NCAPD3: variants seen among roughly 807,000 people sequenced by gnomAD.
NCAPD3 encodes the protein condensin-2 complex subunit D3.
A neutral mutation model predicts 182.9 loss-of-function variants in NCAPD3; 105 were observed. The ratio of observed to expected loss-of-function variants is 0.57; its 90% CI spans 0.49 to 0.68. The LOEUF (loss-of-function observed/expected upper bound fraction) is 0.68, where lower values mean the gene tolerates loss of function less well. Among genes scored for constraint, NCAPD3 ranks in the 30% least tolerant of loss-of-function variants. The pLI, the probability that NCAPD3 is intolerant of heterozygous loss-of-function variation, is 0.00. For missense variants in NCAPD3, 1,944 were observed against 1,837.0 expected (o/e 1.06, Z -1.07); for synonymous variants, 815 against 679.9 (o/e 1.20, Z -3.09).
chr11:134,167,938 T>A, intron 27 of NCAPD3, 58 bp downstream of exon 27: 1 of 1,526,420 alleles, frequency 6.6e-7, no homozygotes, highest in Non-Finnish European at 9.0e-7. Context: ...TGAGATGAGC[T>A]TAGGGGAGCA....
chr11:134,203,191 C>T lies in NCAPD3; in HGVS notation c.1476G>A (p.Thr492=), dbSNP rs146072600. Residue 492 remains threonine (T), a synonymous_variant, in exon 12 of 35, where the codon ACG becomes ACA. Transcript: ENST00000534548. The stretch of plus-strand genomic sequence containing the variant: ...CAGGGTGACTCTCTATTACAGAAAA[C>T]GTAGGACCTAAAAACAAGAAGAAAG... ...SILELLINSP[T]FSVIESHPGT... is the part of the protein sequence containing the mutation. 34 of 1,595,684 alleles carry T rather than the reference C, an allele frequency of 2.1e-5. No homozygotes were observed. The highest frequency in any genetic ancestry group is 2.0e-4 in the African/African-American group (15 of 74,390).
rs1943303058 is a variant in NCAPD3, at chr11:134,153,029, T to C, written c.4412A>G (p.Asn1471Ser). The change falls in exon 35 of 35, where the codon AAT becomes AGT. Residue 1471 changes from asparagine to serine, a missense_variant. Transcript: ENST00000534548. ...DKPPPQPQQW[N>S]VRSPARNKDT... Reference sequence around the variant, plus strand: ...TTTATTCCTGGCGGGAGACCGCACATTCCACTGCTGAGGCTGTGGGGGCCT... The same window carrying C: ...TTTATTCCTGGCGGGAGACCGCACACTCCACTGCTGAGGCTGTGGGGGCCT... 6.3e-7 allele frequency: 1 copy of C among 1,599,518 alleles called. No individual in the cohort carries two copies. Among genetic ancestry groups the C allele is most frequent in the Non-Finnish European group, 8.5e-7 (1 of 1,170,828 alleles).
At chr11:134,199,294 A>G (rs1944699416) in intron 13 of NCAPD3, among the ~76,000 whole-genome samples, 1 of 152,202 alleles carries the variant, frequency 6.6e-6, no homozygotes, top group Non-Finnish European at 1.5e-5. Context: ...CAGCAAACAG[A>G]GAAAAAGCTC....
In NCAPD3 at chr11:134,187,492, T is replaced by A. The variant is rs537955169; in HGVS notation, c.2046-1966A>T. ...CCGACTTCTGCTCTCCACACCTCAG[T>A]CAACAGCAATTGATTCAGGCATTTT... On this transcript the variant is annotated intron_variant, in intron 16 of 34. Coordinates refer to ENST00000534548, the MANE Select transcript of NCAPD3 (RefSeq NM_015261.3). Among the ~76,000 whole-genome samples, 29 of 152,272 alleles carry A rather than the reference T, an allele frequency of 1.9e-4. 1 individual carries two copies. The highest frequency in any genetic ancestry group is 7.0e-4 in the African/African-American group (29 of 41,558).
intron 13 of NCAPD3, among the ~76,000 whole-genome samples, chr11:134,198,151 AT>A (rs1944675911): frequency 1.3e-5 from 2 of 152,208 alleles, no homozygotes; most frequent in South Asian, 4.1e-4. Flanking sequence ...GACATGCCTC[AT>A]TATACCCTCC....
At chr11:134,206,124 G>A (rs766660626) in intron 8 of NCAPD3, among the ~76,000 whole-genome samples, 4 of 152,182 alleles carry the variant, frequency 2.6e-5, no homozygotes, top group Non-Finnish European at 5.9e-5. Context: ...TTATTGCTAC[G>A]GAGGTAAAAA....
intron 2 of NCAPD3, among the ~76,000 whole-genome samples, chr11:134,218,273 G>A (rs970005514): frequency 2.0e-5 from 3 of 152,064 alleles, no homozygotes; most frequent in East Asian, 1.9e-4. Flanking sequence ...GTGATCCCAT[G>A]GCTGCTGTCT....
chr11:134,168,058 C>T lies in NCAPD3; in HGVS notation c.3511G>A (p.Glu1171Lys), dbSNP rs758112068. The change falls in exon 27 of 35, where the codon GAA becomes AAA. Residue 1171 changes from glutamate (E) to lysine (K), a missense_variant. Coordinates refer to ENST00000534548, the MANE Select transcript of NCAPD3 (RefSeq NM_015261.3). ...ACATTTGCCAAGGCCATGTCATCTT[C>T]TTCCATAAGGAGGTCTTTGTCTGGT... The part of the protein sequence containing the change: ...SKPDKDLLME[E>K]DDMALANVVM... 2.2e-5 allele frequency: 36 copies of T among 1,614,038 alleles called. No homozygotes were observed. In the Admixed American group the frequency reaches 5.5e-4, roughly 25 times the overall value.
At chr11:134,181,557 T>C (rs1265557840) in intron 19 of NCAPD3, among the ~76,000 whole-genome samples, 1 of 152,174 alleles carries the variant, frequency 6.6e-6, no homozygotes, top group Non-Finnish European at 1.5e-5. Context: ...ATACAGATGA[T>C]GAATTAACTA....
At chr11:134,167,735 T>G (rs1438173328) in intron 27 of NCAPD3, among the ~76,000 whole-genome samples, 2 of 119,920 alleles carry the variant, frequency 1.7e-5, no homozygotes, top group Non-Finnish European at 3.3e-5. Flanking sequence ...CGCACACTCG[T>G]GAGATGAGCT....
rs193183089 is a variant in NCAPD3 at position 134,185,153 on chromosome 11, C to T, written c.2238-153G>A. ...TGGGAACATCAAGGCATTTAATGTACTTGGACAAAGGGGAAATGGGTGAAA... is the reference window on the plus strand; with the variant it reads ...TGGGAACATCAAGGCATTTAATGTATTTGGACAAAGGGGAAATGGGTGAAA... On this transcript the variant is annotated intron_variant, in intron 17 of 34. Transcript: ENST00000534548. 4.2e-3 allele frequency among the ~76,000 whole-genome samples: 640 copies of T among 152,236 alleles called. 4 individuals carry two copies. The highest frequency in any genetic ancestry group is 0.015 in the African/African-American group (613 of 41,546).
intron 28 of NCAPD3, 74 bp downstream of exon 28, chr11:134,161,707 G>A: frequency 1.1e-6 from 1 of 902,146 alleles, no homozygotes; most frequent in Non-Finnish European, 1.8e-6. Flanking sequence ...TGCCTGCACT[G>A]TCATAACTGG....
intron 20 of NCAPD3, among the ~76,000 whole-genome samples, chr11:134,179,450 C>T (rs1476808840): frequency 1.3e-5 from 2 of 152,286 alleles, no homozygotes; most frequent in Middle Eastern, 3.4e-3. Context: ...TTAATGACTA[C>T]ATAAGTATAT....
At chr11:134,212,370 T>G (rs976728814) in intron 3 of NCAPD3, among the ~76,000 whole-genome samples, 5 of 143,808 alleles carry the variant, frequency 3.5e-5, no homozygotes, top group African/African-American at 1.3e-4. Flanking sequence ...ATACTTTTTG[T>G]TGTTTTGTGT....
intron 27 of NCAPD3, among the ~76,000 whole-genome samples, chr11:134,167,638 G>A (rs538955403): frequency 1.5e-5 from 2 of 132,886 alleles, no homozygotes; most frequent in Non-Finnish European, 3.1e-5. Context: ...GCACACTAGT[G>A]AGATGAGCTT....
At chr11:134,206,091 TGA>T (rs1220561304) in intron 8 of NCAPD3, among the ~76,000 whole-genome samples, 1 of 152,048 alleles carries the variant, frequency 6.6e-6, no homozygotes, top group African/African-American at 2.4e-5. Flanking sequence ...GAGTGACCCA[TGA>T]GAGGAAAAGT....
chr11:134,155,004 T>C (rs1943379939), intron 32 of NCAPD3, among the ~76,000 whole-genome samples: 1 of 152,172 alleles, frequency 6.6e-6, no homozygotes, highest in Non-Finnish European at 1.5e-5. Flanking sequence ...GAAGCCCATA[T>C]GCACTCCAGG....
chr11:134,154,383 A>G (rs2120480770), intron 32 of NCAPD3, among the ~76,000 whole-genome samples: 1 of 150,764 alleles, frequency 6.6e-6, no homozygotes, highest in East Asian at 2.0e-4. Flanking sequence ...TTACAGACTC[A>G]CCTGTTAGGC....
chr11:134,210,167 C>A (rs1401575675), intron 4 of NCAPD3, 103 bp downstream of exon 4: 12 of 962,042 alleles, frequency 1.2e-5, no homozygotes, highest in Middle Eastern at 3.3e-4. Flanking sequence ...GGACCATTTG[C>A]CTATAATCAT....
Sources: allele counts gnomAD v4.1 joint callset (sites outside exome capture counted in the v4.1 genomes callset), GRCh38; gene constraint gnomAD v4.1.1; transcripts MANE v1.5; gene names NCBI Gene and HGNC (gene_info 2026-07-23, HGNC 2026-07-21).